Variants in CPNE4 observed in about 807,000 individuals in gnomAD.
The protein encoded by CPNE4 is copine-4.
CPNE4 carries 25 observed loss-of-function variants against 67.9 expected under a neutral mutation model. That is an observed-to-expected ratio of 0.37 (90% CI 0.27 to 0.51). The LOEUF (loss-of-function observed/expected upper bound fraction) is 0.51. Ranked by LOEUF, CPNE4 falls within the 20% of genes least tolerant of loss-of-function variation. CPNE4 has a pLI of 0.93. For synonymous variants in CPNE4, 242 were observed against 244.9 expected (o/e 0.99, Z 0.11); for missense variants, 464 against 690.8 (o/e 0.67, Z 3.68).
At chr3:131,971,381 A>G (rs1009041460) in intron 1 of CPNE4, among the ~76,000 whole-genome samples, 8 of 152,190 alleles carry the variant, frequency 5.3e-5, no homozygotes, top group African/African-American at 1.9e-4. Flanking sequence ...CGGTAATTCC[A>G]TGTCTCAATG....
At chr3:131,892,531 C>T (rs1440179118) in intron 2 of CPNE4, among the ~76,000 whole-genome samples, 1 of 151,212 alleles carries the variant, frequency 6.6e-6, no homozygotes, top group African/African-American at 2.4e-5. Context: ...ATAAATTAAA[C>T]TCAGAATACC....
chr3:131,576,555 C>T (rs1207906272), intron 9 of CPNE4, among the ~76,000 whole-genome samples: 1 of 152,084 alleles, frequency 6.6e-6, no homozygotes, highest in African/African-American at 2.4e-5. Flanking sequence ...TGATAAGATG[C>T]CTGACATGGA....
chr3:131,630,607 A>G (rs1024543932), intron 7 of CPNE4, among the ~76,000 whole-genome samples: 1 of 152,340 alleles, frequency 6.6e-6, no homozygotes, highest in Middle Eastern at 3.4e-3. Flanking sequence ...AAAATAAAAT[A>G]AAATTAAAAA....
chr3:131,675,611 G>A (rs1235826489), intron 6 of CPNE4, among the ~76,000 whole-genome samples: 1 of 151,946 alleles, frequency 6.6e-6, no homozygotes, highest in Non-Finnish European at 1.5e-5. Flanking sequence ...TTTGTCTGAT[G>A]TAAGTATAGT....
chr3:131,816,340 T>C (rs2084741329), intron 2 of CPNE4, among the ~76,000 whole-genome samples: 1 of 152,230 alleles, frequency 6.6e-6, no homozygotes, highest in African/African-American at 2.4e-5. Context: ...CTTCTTTTTA[T>C]TGTTGTTACT....
chr3:131,709,777 T>C (rs1179958338), intron 3 of CPNE4, among the ~76,000 whole-genome samples: 5 of 152,206 alleles, frequency 3.3e-5, no homozygotes, highest in Admixed American at 1.3e-4. Context: ...GGTACGAAGC[T>C]TTCAGCATAG....
intron 1 of CPNE4, among the ~76,000 whole-genome samples, chr3:131,978,647 TTTTTGTTTCATTTACC>T (rs1223025555): frequency 7.0e-6 from 1 of 142,082 alleles, no homozygotes; most frequent in Non-Finnish European, 1.5e-5. Context: ...AAGAACCAGC[TTTTTGTTTCATTTACC>T]TTTTGTATTT....
chr3:131,953,043 G>A (rs2071816519), intron 1 of CPNE4, among the ~76,000 whole-genome samples: 1 of 151,896 alleles, frequency 6.6e-6, no homozygotes, highest in Non-Finnish European at 1.5e-5. Flanking sequence ...CTTGAAGGCA[G>A]CATGCTCGTT....
chr3:131,697,758 T>G (rs1202323366), intron 4 of CPNE4, among the ~76,000 whole-genome samples: 1 of 152,196 alleles, frequency 6.6e-6, no homozygotes, highest in Non-Finnish European at 1.5e-5. Context: ...ATACTTCATT[T>G]GATTACTGAC....
intron 1 of CPNE4, among the ~76,000 whole-genome samples, chr3:132,021,338 T>C (rs2073992369): frequency 6.6e-6 from 1 of 152,198 alleles, no homozygotes. Flanking sequence ...GCAACAAAGT[T>C]CTACTACTTA....
chr3:131,606,107 G>T (rs559191866), intron 7 of CPNE4, among the ~76,000 whole-genome samples: 2 of 152,144 alleles, frequency 1.3e-5, no homozygotes, highest in Non-Finnish European at 2.9e-5. Context: ...AGGAAAAGGC[G>T]CTTGAAGACC....
At chr3:131,625,835 G>A (rs2079058927) in intron 7 of CPNE4, among the ~76,000 whole-genome samples, 1 of 152,160 alleles carries the variant, frequency 6.6e-6, no homozygotes, top group African/African-American at 2.4e-5. Context: ...TTGAAAGTTT[G>A]CAGCAACCCT....
intron 8 of CPNE4, among the ~76,000 whole-genome samples, chr3:131,583,203 C>A (rs1197336703): frequency 2.6e-5 from 4 of 152,196 alleles, no homozygotes; most frequent in Non-Finnish European, 5.9e-5. Context: ...AAGGCCTAAT[C>A]TCCTAATCTG....
intron 2 of CPNE4, among the ~76,000 whole-genome samples, chr3:131,775,823 G>A (rs2083276594): frequency 6.6e-6 from 1 of 152,164 alleles, no homozygotes; most frequent in Admixed American, 6.5e-5. Flanking sequence ...AAAGGAAACA[G>A]TGCAAATGTC....
intron 2 of CPNE4, among the ~76,000 whole-genome samples, chr3:131,884,314 ATATT>A (rs2087794221): frequency 6.6e-6 from 1 of 152,332 alleles, no homozygotes; most frequent in African/African-American, 2.4e-5. Flanking sequence ...ATTGCAGGAA[ATATT>A]TATTAGAGTT....
intron 1 of CPNE4, among the ~76,000 whole-genome samples, chr3:132,014,067 T>C (rs2073834723): frequency 6.6e-6 from 1 of 152,160 alleles, no homozygotes; most frequent in African/African-American, 2.4e-5. Flanking sequence ...CCTGCTCCAC[T>C]CTCCCATGAT....
intron 2 of CPNE4, among the ~76,000 whole-genome samples, chr3:131,839,313 A>T (rs889293555): frequency 2.6e-5 from 4 of 151,948 alleles, no homozygotes; most frequent in Non-Finnish European, 4.4e-5. Flanking sequence ...TGGACTTTTC[A>T]AGGTAATCTA....
At chr3:131,888,295 T>G (rs2087973402) in intron 2 of CPNE4, among the ~76,000 whole-genome samples, 1 of 152,080 alleles carries the variant, frequency 6.6e-6, no homozygotes, top group Admixed American at 6.5e-5. Flanking sequence ...CAGAATTCAG[T>G]TTGAAAAGAC....
chr3:131,798,685 C>G (rs576218945), intron 2 of CPNE4, among the ~76,000 whole-genome samples: 1 of 152,094 alleles, frequency 6.6e-6, no homozygotes, highest in Non-Finnish European at 1.5e-5. Context: ...TTTCAACCTT[C>G]CAACTTTTTC....
Sources: allele counts gnomAD v4.1 joint callset (sites outside exome capture counted in the v4.1 genomes callset), GRCh38; gene constraint gnomAD v4.1.1; transcripts MANE v1.5; gene names NCBI Gene and HGNC (gene_info 2026-07-23, HGNC 2026-07-21).